Variants in ST8SIA4 observed in about 807,000 individuals in gnomAD.
ST8SIA4 encodes ST8 alpha-N-acetyl-neuraminide alpha-2,8-sialyltransferase 4.
ST8SIA4 carries 15 observed loss-of-function variants against 33.9 expected under a neutral mutation model. The observed-to-expected ratio is 0.44, with a 90% confidence interval of 0.30 to 0.68. The LOEUF (loss-of-function observed/expected upper bound fraction) is 0.68. Among genes scored for constraint, ST8SIA4 ranks in the 30% least tolerant of loss-of-function variants. The pLI is 0.10. For synonymous variants in ST8SIA4, 171 were observed against 151.2 expected, an observed-to-expected ratio of 1.13 and a Z score of -0.96; for missense variants, 321 against 428.0, an observed-to-expected ratio of 0.75 and a Z score of 2.21.
At chr5:100,886,135 G>C (rs141728148) in intron 3 of ST8SIA4, 44 of 1,350,048 alleles carry the variant, frequency 3.3e-5, no homozygotes, top group African/African-American at 3.1e-4. Flanking sequence ...TTGTTGCTAT[G>C]ACAGGATCAC....
Position 100,868,836 on chromosome 5 carries a change from A to G in ST8SIA4, c.504-12440T>C, listed in dbSNP as rs77745098. Among the ~76,000 whole-genome samples the G allele has an allele frequency of 1.8e-3, 270 of 152,178 alleles. 3 individuals are homozygous for G. The East Asian group carries it at 0.034, about 19-fold the overall frequency. ...ATTTCAATGCTTTACATAATTTCCCAGGCAAAATTGTTTCCACTGCTCTGG... is the reference window on the plus strand; with the variant it reads ...ATTTCAATGCTTTACATAATTTCCCGGGCAAAATTGTTTCCACTGCTCTGG... On this transcript the variant is annotated intron_variant, in intron 3 of 4. Transcript: ENST00000231461.
Position 100,816,867 on chromosome 5 carries a change from G to A in ST8SIA4, c.798-4738C>T, listed in dbSNP as rs73163654. Among the ~76,000 whole-genome samples, 606 of 151,730 alleles carry A rather than the reference G, an allele frequency of 4.0e-3. 4 individuals carry two copies. The highest frequency in any genetic ancestry group is 0.014 in the African/African-American group (582 of 41,400). On this transcript the variant is annotated intron_variant, in intron 4 of 4. Coordinates refer to ENST00000231461, the MANE Select transcript of ST8SIA4 (RefSeq NM_005668.6). ...CATTCCACTGGAAGTCTATGTCAAG[G>A]GTTAAAAAAATGTCTTTTGGTTCTT...
chr5:100,846,413 A>G (rs1751573953), intron 4 of ST8SIA4, among the ~76,000 whole-genome samples: 1 of 152,034 alleles, frequency 6.6e-6, no homozygotes, highest in Non-Finnish European at 1.5e-5. Context: ...TATTAGTTAT[A>G]GAGATGAATA....
intron 4 of ST8SIA4, among the ~76,000 whole-genome samples, chr5:100,842,436 T>G (rs577802433): frequency 7.2e-5 from 11 of 151,894 alleles, no homozygotes; most frequent in African/African-American, 2.7e-4. Context: ...GTTCCTTTTT[T>G]TAAAACAAAA....
chr5:100,886,285 C>T (rs1175666406), intron 3 of ST8SIA4, 58 bp downstream of exon 3: 1 of 1,571,462 alleles, frequency 6.4e-7, no homozygotes, highest in Non-Finnish European at 8.6e-7. Context: ...CAGTTTTCCA[C>T]CCCCAAGTAA....
At chr5:100,849,249 G>T in intron 4 of ST8SIA4, 1 of 984,690 alleles carries the variant, frequency 1.0e-6, no homozygotes, top group Non-Finnish European at 1.2e-6. Context: ...GAATCTATAC[G>T]ATTATATACA....
At chr5:100,812,305 C>T (rs1212094274) in intron 4 of ST8SIA4, among the ~76,000 whole-genome samples, 176 bp from the exon 5 acceptor site, 1 of 151,928 alleles carries the variant, frequency 6.6e-6, no homozygotes, top group Admixed American at 6.6e-5. Flanking sequence ...TATTTTATTT[C>T]TTCTTTATCC....
At chr5:100,896,044 A>G (rs1752772469) in intron 1 of ST8SIA4, among the ~76,000 whole-genome samples, 1 of 152,110 alleles carries the variant, frequency 6.6e-6, no homozygotes, top group Non-Finnish European at 1.5e-5. Context: ...CTTAAAGAAA[A>G]AAAATCACCA....
rs1750779880 is a variant in ST8SIA4 at position 100,809,865 on chromosome 5, T to C, written c.*1982A>G. 1 of 152,126 alleles carries C rather than the reference T, an allele frequency of 6.6e-6. No homozygotes were observed. The highest frequency in any genetic ancestry group is 6.6e-5 in the Admixed American group (1 of 15,264). The allele number at this position is 152,126 out of a possible 1,614,324, so 9.4% of individuals were successfully genotyped here. A position where few individuals can be genotyped will look rare whatever the true frequency, so the allele number is the denominator to read the frequency against. The stretch of plus-strand genomic sequence containing the variant: ...ACATACATTCTCAAAAGATGTAATA[T>C]TCTATATCCCAAGGTTTTACTATAT... On this transcript the variant is annotated 3_prime_UTR_variant, in exon 5 of 5. Transcript: ENST00000231461.
chr5:100,862,757 A>G (rs1257651966), intron 3 of ST8SIA4, among the ~76,000 whole-genome samples: 2 of 152,192 alleles, frequency 1.3e-5, no homozygotes, highest in African/African-American at 4.8e-5. Flanking sequence ...TGTGCTTTGC[A>G]TGTAATATAT....
chr5:100,824,882 A>G (rs1281779383), intron 4 of ST8SIA4, among the ~76,000 whole-genome samples: 1 of 123,992 alleles, frequency 8.1e-6, no homozygotes. Flanking sequence ...CAACATAGCA[A>G]GACCCTGTCT....
intron 2 of ST8SIA4, among the ~76,000 whole-genome samples, chr5:100,893,358 T>C (rs1162417951): frequency 6.6e-6 from 1 of 152,204 alleles, no homozygotes; most frequent in Non-Finnish European, 1.5e-5. Flanking sequence ...AAATTATCCT[T>C]TCCTTTCAAG....
chr5:100,875,525 C>T (rs1752286730), intron 3 of ST8SIA4, among the ~76,000 whole-genome samples: 1 of 152,096 alleles, frequency 6.6e-6, no homozygotes, highest in South Asian at 2.1e-4. Flanking sequence ...AAATAATAAA[C>T]CTGGCCGTAG....
chr5:100,811,019 T>C lies in ST8SIA4; in HGVS notation c.*828A>G, dbSNP rs1037151986. ...GGTGAAAATCCGTCTCCACTAAAAA[T>C]ACAAAAAATTAGCCAGGCGTGGTGG... is the stretch of plus-strand genomic sequence containing the variant. On this transcript the variant is annotated 3_prime_UTR_variant, in exon 5 of 5. Transcript: ENST00000231461. 2 of 152,082 alleles carry C rather than the reference T, an allele frequency of 1.3e-5. No homozygotes were observed. The highest frequency in any genetic ancestry group is 4.8e-5 in the African/African-American group (2 of 41,290). 9.4% of individuals were successfully genotyped at this position (152,082 alleles called of 1,614,324 possible).
Position 100,903,213 on chromosome 5 carries a change from TTTC to T in ST8SIA4, c.-261_-259del, listed in dbSNP as rs34920434. ...CCGCGCCGCCTCCCTGGGGCTCAGG[TTTC>T]TTTTCAGATGAGACACCTTGTGCAT... is the stretch of plus-strand genomic sequence containing the variant. On this transcript the variant is annotated 5_prime_UTR_variant, in exon 1 of 5. Coordinates refer to ENST00000231461, the MANE Select transcript of ST8SIA4 (RefSeq NM_005668.6). 0.29 allele frequency: 143,429 copies of T among 498,436 alleles called. 21,555 individuals are homozygous for T. Among genetic ancestry groups the T allele is most frequent in the Non-Finnish European group, 0.32 (88,595 of 278,890 alleles). 30.9% of individuals were successfully genotyped at this position (498,436 alleles called of 1,614,324 possible). A position where few individuals can be genotyped will look rare whatever the true frequency, so the allele number is the denominator to read the frequency against.
intron 1 of ST8SIA4, among the ~76,000 whole-genome samples, chr5:100,902,419 C>A (rs1205493288): frequency 3.3e-5 from 5 of 151,986 alleles, no homozygotes; most frequent in Admixed American, 3.3e-4. Flanking sequence ...GCTTTCTAAG[C>A]TTTAACTTCA....
chr5:100,891,564 A>C (rs1355286527), intron 2 of ST8SIA4, among the ~76,000 whole-genome samples: 1 of 152,090 alleles, frequency 6.6e-6, no homozygotes, highest in African/African-American at 2.4e-5. Flanking sequence ...AACAAATGAA[A>C]AGGCAAAATT....
rs1750984803 is a variant in ST8SIA4, at chr5:100,818,927, A to G, written c.798-6798T>C. Among the ~76,000 whole-genome samples the G allele has an allele frequency of 2.0e-5, 3 of 152,126 alleles. No individual in the cohort carries two copies. In the South Asian group the frequency reaches 6.2e-4, roughly 32 times the overall value. ...TCTGAATTTCACCCCTCTTCTTTTT[A>G]TCTGTCTATGCACATTGTCACATCA... On this transcript the variant is annotated intron_variant, in intron 4 of 4. Coordinates refer to ENST00000231461, the MANE Select transcript of ST8SIA4 (RefSeq NM_005668.6).
chr5:100,864,547 C>T (rs1453053138), intron 3 of ST8SIA4, among the ~76,000 whole-genome samples: 1 of 137,714 alleles, frequency 7.3e-6, no homozygotes, highest in African/African-American at 2.9e-5. Context: ...TGGACTCCAG[C>T]CTGGGTGACA....
Sources: gnomAD v4.1 joint callset for allele counts (sites outside exome capture counted in the v4.1 genomes callset) on GRCh38, gnomAD v4.1.1 for gene constraint, MANE v1.5 for transcripts, NCBI Gene and HGNC (gene_info 2026-07-23, HGNC 2026-07-21) for gene names.